The following ARMC9 variants were observed in gnomAD, a reference collection of about 807,000 sequenced individuals.
ARMC9 encodes armadillo repeat containing 9.
Under a neutral mutation model 107.0 loss-of-function variants are expected in ARMC9, and 94 were observed. The ratio of observed to expected loss-of-function variants is 0.88; its 90% CI spans 0.74 to 1.04. The LOEUF is 1.04. Ranked by LOEUF, ARMC9 falls within the 50% of genes least tolerant of loss-of-function variation. The pLI, the probability that ARMC9 is intolerant of heterozygous loss-of-function variation, is 0.00. For synonymous variants in ARMC9, 380 were observed against 396.9 expected (o/e 0.96, Z 0.51); for missense variants, 942 against 1,030.1 (o/e 0.91, Z 1.17).
intron 9 of ARMC9, among the ~76,000 whole-genome samples, chr2:231,253,518 G>T (rs2037490516): frequency 6.6e-6 from 1 of 152,066 alleles, no homozygotes; most frequent in Non-Finnish European, 1.5e-5. Context: ...CTGTACTCCA[G>T]CCTGGGAGAC....
At chr2:231,309,110 G>A (rs190605680) in intron 19 of ARMC9, among the ~76,000 whole-genome samples, 17 of 152,244 alleles carry the variant, frequency 1.1e-4, no homozygotes, top group South Asian at 2.1e-4. Context: ...TTCTAAATTC[G>A]TTTATTTCTG....
intron 10 of ARMC9, among the ~76,000 whole-genome samples, chr2:231,258,596 C>T (rs1332889013): frequency 6.6e-6 from 1 of 152,146 alleles, no homozygotes; most frequent in Non-Finnish European, 1.5e-5. Flanking sequence ...CTCTTGGGGC[C>T]TGCTGATGCT....
intron 7 of ARMC9, among the ~76,000 whole-genome samples, chr2:231,230,104 G>A (rs933538565): frequency 5.9e-5 from 9 of 152,158 alleles, no homozygotes; most frequent in African/African-American, 1.7e-4. Context: ...GCTCATGCCC[G>A]TAATCCCAGC....
At chr2:231,289,394 G>T (rs1326650570) in intron 17 of ARMC9, among the ~76,000 whole-genome samples, 1 of 152,232 alleles carries the variant, frequency 6.6e-6, no homozygotes, top group Non-Finnish European at 1.5e-5. Flanking sequence ...TTGAGTCTTG[G>T]AGTTGGAGGT....
chr2:231,221,411 G>GA (rs2034111054), intron 5 of ARMC9, among the ~76,000 whole-genome samples: 1 of 152,134 alleles, frequency 6.6e-6, no homozygotes, highest in Admixed American at 6.5e-5. Flanking sequence ...CTCATGTTCT[G>GA]AGGTACCAGG....
chr2:231,220,471 C>T (rs1347045756), intron 5 of ARMC9, among the ~76,000 whole-genome samples: 1 of 151,868 alleles, frequency 6.6e-6, no homozygotes, highest in Admixed American at 6.6e-5. Context: ...GTGGCTAATG[C>T]CTGTAATCCC....
chr2:231,232,608 C>T (rs747228604), intron 7 of ARMC9, among the ~76,000 whole-genome samples: 3 of 151,918 alleles, frequency 2.0e-5, no homozygotes, highest in South Asian at 4.2e-4. Flanking sequence ...TGCACCACCA[C>T]ACCTGGCTAA....
chr2:231,367,372 G>T (rs2045860001), intron 23 of ARMC9, among the ~76,000 whole-genome samples: 1 of 152,114 alleles, frequency 6.6e-6, no homozygotes, highest in South Asian at 2.1e-4. Flanking sequence ...CTGCCTGCCG[G>T]CTTTAAGGCG....
chr2:231,212,598 G>A (rs984866872), intron 3 of ARMC9, among the ~76,000 whole-genome samples: 2 of 152,240 alleles, frequency 1.3e-5, no homozygotes, highest in African/African-American at 4.8e-5. Flanking sequence ...TCAGGAATGG[G>A]CACTGGGTTT....
Position 231,331,916 on chromosome 2 carries a change from G to T in ARMC9, c.1878+19G>T. On this transcript the variant is annotated intron_variant, in intron 20 of 24. Transcript: ENST00000611582. Reference sequence around the variant, plus strand: ...CCTGGGGGTAAGTGCCACACAAAGGGTGGGGATCCTGAAACAGAAAGGCCA... The same window carrying T: ...CCTGGGGGTAAGTGCCACACAAAGGTTGGGGATCCTGAAACAGAAAGGCCA... The T allele has an allele frequency of 6.3e-7, 1 of 1,590,360 alleles. No individual in the cohort carries two copies. Among genetic ancestry groups the T allele is most frequent in the Non-Finnish European group, 8.6e-7 (1 of 1,159,870 alleles).
chr2:231,319,484 C>T (rs982784647), intron 19 of ARMC9, among the ~76,000 whole-genome samples: 2 of 152,170 alleles, frequency 1.3e-5, no homozygotes, highest in African/African-American at 4.8e-5. Flanking sequence ...GGGTTCTAAC[C>T]CAGATGTGGG....
intron 19 of ARMC9, among the ~76,000 whole-genome samples, chr2:231,329,276 GTGTGGTTCTGTATTTATTTGAATT>G (rs1248994020): frequency 6.6e-6 from 1 of 151,980 alleles, no homozygotes; most frequent in Non-Finnish European, 1.5e-5. Context: ...CATGAACGAG[GTGTGGTTCTGTATTTATTTGAATT>G]TTTGATTTCT....
At chr2:231,319,423 C>T (rs1023805645) in intron 19 of ARMC9, among the ~76,000 whole-genome samples, 65 of 152,144 alleles carry the variant, frequency 4.3e-4, no homozygotes, top group Non-Finnish European at 6.3e-4. Context: ...CTGCCACGAA[C>T]CTGAGCAATG....
intron 21 of ARMC9, among the ~76,000 whole-genome samples, chr2:231,346,761 A>G (rs2044834362): frequency 6.6e-6 from 1 of 152,108 alleles, no homozygotes. Context: ...TGTCCCCTAA[A>G]GGTTCTTTAC....
intron 9 of ARMC9, among the ~76,000 whole-genome samples, chr2:231,249,875 G>A (rs527940768): frequency 0.032 from 1,589 of 49,666 alleles, 151 homozygotes; most frequent in African/African-American, 0.2. Flanking sequence ...GGAGACCACC[G>A]CCCACCCGTG....
chr2:231,367,553 C>G (rs550470843), intron 23 of ARMC9, among the ~76,000 whole-genome samples: 1 of 152,326 alleles, frequency 6.6e-6, no homozygotes, highest in Admixed American at 6.5e-5. Context: ...CTGCCCTTAC[C>G]AGTGCTGGGA....
intron 19 of ARMC9, among the ~76,000 whole-genome samples, chr2:231,302,449 T>TG (rs1439990490): frequency 2.2e-5 from 3 of 137,860 alleles, no homozygotes; most frequent in African/African-American, 9.0e-5. Flanking sequence ...TTTTTTTTTT[T>TG]TTTTTTTTTT....
intron 11 of ARMC9, among the ~76,000 whole-genome samples, chr2:231,260,092 T>C: frequency 6.6e-6 from 1 of 152,178 alleles, no homozygotes; most frequent in East Asian, 1.9e-4. Flanking sequence ...TAAATAACAT[T>C]TTTGCGACAA....
chr2:231,288,808 T>C (rs1330578394), intron 17 of ARMC9: 9 of 444,834 alleles, frequency 2.0e-5, no homozygotes, highest in Non-Finnish European at 4.7e-6. Flanking sequence ...TGTGCTGCAG[T>C]ATCACTCCAG....
Sources: gnomAD v4.1 joint callset for allele counts (sites outside exome capture counted in the v4.1 genomes callset) on GRCh38, gnomAD v4.1.1 for gene constraint, MANE v1.5 for transcripts, NCBI Gene and HGNC (gene_info 2026-07-23, HGNC 2026-07-21) for gene names.